The following ABTB3 variants were observed in gnomAD, a reference collection of about 807,000 sequenced individuals.
ABTB3 encodes the protein ankyrin repeat- and BTB/POZ domain-containing protein 3.
At chr12:107,400,437 T>C in the ABTB3 span, among the ~76,000 whole-genome samples, 1 of 152,180 alleles carries the variant, frequency 6.6e-6, no homozygotes, top group African/African-American at 2.4e-5. Flanking sequence ...TACAGGTGGG[T>C]TTGAGAAACA....
chr12:107,330,140 G>C, the ABTB3 span, among the ~76,000 whole-genome samples: 1 of 152,178 alleles, frequency 6.6e-6, no homozygotes, highest in Non-Finnish European at 1.5e-5. Flanking sequence ...AGCATGGGGG[G>C]AAGGTAGAAT....
the ABTB3 span, among the ~76,000 whole-genome samples, chr12:107,496,639 G>A: frequency 5.0e-3 from 759 of 152,238 alleles, 9 homozygotes; most frequent in African/African-American, 0.017. Context: ...AGAAGAAGAC[G>A]AAGAAGCATG....
chr12:107,513,173 TCTC>T, the ABTB3 span, among the ~76,000 whole-genome samples: 1 of 152,216 alleles, frequency 6.6e-6, no homozygotes, highest in Non-Finnish European at 1.5e-5. Flanking sequence ...AGTTGGCTGT[TCTC>T]CTCCTTCTCC....
chr12:107,319,859 G>T, the ABTB3 span: 1 of 1,226,640 alleles, frequency 8.2e-7, no homozygotes, highest in Non-Finnish European at 1.0e-6. Context: ...AGCCAGCAGC[G>T]CCAGCGGGGG....
chr12:107,525,079 A>C, the ABTB3 span, among the ~76,000 whole-genome samples: 36 of 152,094 alleles, frequency 2.4e-4, no homozygotes, highest in African/African-American at 8.7e-4. Context: ...TAATCCCAGC[A>C]CTTTGGGAGG....
the ABTB3 span, among the ~76,000 whole-genome samples, chr12:107,469,336 C>T: frequency 2.0e-5 from 3 of 152,332 alleles, no homozygotes; most frequent in East Asian, 5.8e-4. Flanking sequence ...CCAATAGAGG[C>T]GTGAATGCAG....
chr12:107,336,455 A>G, the ABTB3 span, among the ~76,000 whole-genome samples: 1 of 120,336 alleles, frequency 8.3e-6, no homozygotes, highest in Non-Finnish European at 1.6e-5. Flanking sequence ...ACCTTGGGCC[A>G]GTTCTCTCTG....
chr12:107,638,144 C>T, the ABTB3 span, among the ~76,000 whole-genome samples: 2 of 151,718 alleles, frequency 1.3e-5, no homozygotes, highest in Non-Finnish European at 2.9e-5. Flanking sequence ...TGATTTTTAC[C>T]GTTTATACTT....
the ABTB3 span, among the ~76,000 whole-genome samples, chr12:107,502,240 TA>T: frequency 6.6e-6 from 1 of 152,026 alleles, no homozygotes; most frequent in African/African-American, 2.4e-5. Context: ...AATTTTTGTA[TA>T]TTTTTTTTAG....
At chr12:107,495,827 G>A in the ABTB3 span, among the ~76,000 whole-genome samples, 1 of 152,174 alleles carries the variant, frequency 6.6e-6, no homozygotes, top group Non-Finnish European at 1.5e-5. Flanking sequence ...TTTCTTGTCT[G>A]TAAAATGGGT....
the ABTB3 span, among the ~76,000 whole-genome samples, chr12:107,635,962 A>G: frequency 4.6e-5 from 7 of 150,854 alleles, no homozygotes; most frequent in East Asian, 3.9e-4. Context: ...AAGTCTCATG[A>G]GAGTATCAAT....
the ABTB3 span, among the ~76,000 whole-genome samples, chr12:107,379,976 A>G: frequency 6.6e-6 from 1 of 152,198 alleles, no homozygotes; most frequent in Non-Finnish European, 1.5e-5. Context: ...TCAGAAGGAA[A>G]GCAGACCTGC....
chr12:107,658,047 A>T, the ABTB3 span: 1 of 350,978 alleles, frequency 2.8e-6, no homozygotes, highest in Non-Finnish European at 5.3e-6. Flanking sequence ...TTCCAGGTTG[A>T]CAGTTGGAGG....
At chr12:107,525,324 C>CAAAAAA in the ABTB3 span, among the ~76,000 whole-genome samples, 27 of 34,884 alleles carry the variant, frequency 7.7e-4, no homozygotes, top group Admixed American at 7.5e-4. Context: ...AAGATCCTGT[C>CAAAAAA]AAAAAAAAAA....
chr12:107,612,635 G>A, the ABTB3 span: 1 of 819,592 alleles, frequency 1.2e-6, no homozygotes, highest in Non-Finnish European at 1.9e-6. Context: ...GACCTTACGA[G>A]TCACAGGGCT....
the ABTB3 span, among the ~76,000 whole-genome samples, chr12:107,611,059 A>C: frequency 2.6e-5 from 4 of 152,194 alleles, no homozygotes; most frequent in African/African-American, 9.7e-5. Flanking sequence ...CTACAGCTAT[A>C]ATAATTTTAT....
the ABTB3 span, among the ~76,000 whole-genome samples, chr12:107,603,292 A>G: frequency 5.9e-5 from 9 of 152,378 alleles, no homozygotes; most frequent in East Asian, 1.7e-3. Context: ...AGAAAGCCAC[A>G]GTTGTCATAG....
chr12:107,542,311 C>CAAAAAAAAA, the ABTB3 span, among the ~76,000 whole-genome samples: 1 of 119,204 alleles, frequency 8.4e-6, no homozygotes, highest in Non-Finnish European at 1.7e-5. Context: ...AACTCTGTCT[C>CAAAAAAAAA]AAAAAAAAAA....
At chr12:107,349,047 C>T in the ABTB3 span, among the ~76,000 whole-genome samples, 14 of 152,276 alleles carry the variant, frequency 9.2e-5, no homozygotes, top group East Asian at 3.9e-4. Context: ...TGCCTTGTCA[C>T]GCTGAAGGCT....
Sources: gnomAD v4.1 joint callset for allele counts (sites outside exome capture counted in the v4.1 genomes callset) on GRCh38, gnomAD v4.1.1 for gene constraint, MANE v1.5 for transcripts, NCBI Gene and HGNC (gene_info 2026-07-23, HGNC 2026-07-21) for gene names.